FAT3: variants seen among roughly 807,000 people sequenced by gnomAD.
FAT3 encodes the protein protocadherin Fat 3.
In FAT3, 95 loss-of-function variants were observed where a neutral mutation model predicts 310.2. The ratio of observed to expected loss-of-function variants is 0.31; its 90% CI spans 0.26 to 0.36. The LOEUF (loss-of-function observed/expected upper bound fraction) is 0.36, where lower values mean the gene tolerates loss of function less well. FAT3 is among the 10% of genes least tolerant of loss of function. The probability of loss-of-function intolerance (pLI) is 1.00; values close to 1 mark genes in which losing one functional copy is unlikely to be tolerated. For synonymous variants in FAT3, 2,314 were observed against 2,192.9 expected (o/e 1.06, Z -1.54); for missense variants, 5,408 against 5,715.6 (o/e 0.95, Z 1.74).
chr11:92,807,995 C>T (rs1255772249), intron 12 of FAT3, among the ~76,000 whole-genome samples: 3 of 152,184 alleles, frequency 2.0e-5, no homozygotes, highest in Non-Finnish European at 2.9e-5. Flanking sequence ...GGTAGTGGCT[C>T]CTCCCTGCCC....
At chr11:92,480,091 C>T (rs1232590064) in intron 2 of FAT3, among the ~76,000 whole-genome samples, 2 of 151,962 alleles carry the variant, frequency 1.3e-5, no homozygotes, top group African/African-American at 2.4e-5. Context: ...CGGTGAAACC[C>T]CATCTCTACT....
At chr11:92,762,735 A>C (rs1308849304) in intron 5 of FAT3, among the ~76,000 whole-genome samples, 1 of 152,216 alleles carries the variant, frequency 6.6e-6, no homozygotes, top group Non-Finnish European at 1.5e-5. Flanking sequence ...AAGCACGGGC[A>C]CCATGTCATG....
intron 3 of FAT3, among the ~76,000 whole-genome samples, chr11:92,558,442 G>T (rs191295537): frequency 2.2e-5 from 3 of 138,512 alleles, no homozygotes; most frequent in Middle Eastern, 3.9e-3. Flanking sequence ...GTGTGTTTAA[G>T]CTGCTGAGTA....
intron 3 of FAT3, among the ~76,000 whole-genome samples, chr11:92,601,544 G>A (rs1940026606): frequency 6.6e-6 from 1 of 152,120 alleles, no homozygotes; most frequent in Non-Finnish European, 1.5e-5. Flanking sequence ...GCAGTGAGCC[G>A]AGGTCGCACA....
intron 4 of FAT3, among the ~76,000 whole-genome samples, chr11:92,753,122 CTTGGTCAGTAGAATGTGGTACAAG>C (rs1373073349): frequency 6.6e-6 from 1 of 152,138 alleles, no homozygotes; most frequent in Non-Finnish European, 1.5e-5. Context: ...CTCTGAGACT[CTTGGTCAGTAGAATGTGGTACAAG>C]TGATGCTGTG....
chr11:92,246,305 C>T (rs1204151900), intron 1 of FAT3, among the ~76,000 whole-genome samples: 3 of 151,960 alleles, frequency 2.0e-5, no homozygotes, highest in Non-Finnish European at 4.4e-5. Flanking sequence ...GAGGAGAGGG[C>T]TGGTAGAAAC....
chr11:92,662,200 G>A (rs937011736), intron 3 of FAT3, among the ~76,000 whole-genome samples: 4 of 152,138 alleles, frequency 2.6e-5, no homozygotes, highest in Non-Finnish European at 4.4e-5. Flanking sequence ...TGTGAAATAA[G>A]AACAGGGCAT....
intron 2 of FAT3, among the ~76,000 whole-genome samples, chr11:92,440,861 G>A (rs932170851): frequency 3.9e-5 from 6 of 152,262 alleles, no homozygotes; most frequent in Non-Finnish European, 7.3e-5. Context: ...TTGTAGGGTC[G>A]TAGTTCTGGC....
intron 1 of FAT3, among the ~76,000 whole-genome samples, chr11:92,316,496 C>T (rs1398449028): frequency 6.6e-6 from 1 of 152,150 alleles, no homozygotes; most frequent in Non-Finnish European, 1.5e-5. Flanking sequence ...CCCAGCTATC[C>T]ATGCTTAACA....
In FAT3 at chr11:92,420,107, C is replaced by T. The variant is rs182388579; in HGVS notation, c.3292+64703C>T. Among the ~76,000 whole-genome samples the T allele has an allele frequency of 5.1e-4, 77 of 152,228 alleles. 1 individual carries two copies. Among genetic ancestry groups the T allele is most frequent in the African/African-American group, 1.7e-3 (71 of 41,518 alleles). Reference sequence around the variant, plus strand: ...CCTGATTTTGTAAATAAAGTTTTAACGGAACACAGGTTTTGTCATTCAAGG... The same window carrying T: ...CCTGATTTTGTAAATAAAGTTTTAATGGAACACAGGTTTTGTCATTCAAGG... On this transcript the variant is annotated intron_variant, in intron 2 of 27. Coordinates refer to ENST00000525166, the MANE Select transcript of FAT3 (RefSeq NM_001367949.2).
intron 20 of FAT3, among the ~76,000 whole-genome samples, chr11:92,858,030 C>T (rs561509503): frequency 1.3e-5 from 2 of 152,140 alleles, no homozygotes; most frequent in East Asian, 1.9e-4. Context: ...CAATAGAATC[C>T]TCTTTAGGTA....
At chr11:92,466,605 A>C in intron 2 of FAT3, among the ~76,000 whole-genome samples, 1 of 150,878 alleles carries the variant, frequency 6.6e-6, no homozygotes, top group Non-Finnish European at 1.5e-5. Context: ...ATTATACTTT[A>C]AGTTTTAGGG....
At chr11:92,411,224 A>T (rs1272718444) in intron 2 of FAT3, among the ~76,000 whole-genome samples, 4 of 148,688 alleles carry the variant, frequency 2.7e-5, no homozygotes, top group Admixed American at 2.0e-4. Flanking sequence ...AGTTAGACTG[A>T]CCTTACTTTT....
intron 2 of FAT3, among the ~76,000 whole-genome samples, chr11:92,377,061 C>A (rs949089383): frequency 6.6e-6 from 1 of 152,056 alleles, no homozygotes; most frequent in African/African-American, 2.4e-5. Flanking sequence ...TTAAAGGATA[C>A]TGAGGTATAA....
rs1565644396 is a variant in FAT3 at position 92,844,511 on chromosome 11, CA to C, written c.11145del (p.Ala3716ProfsTer3). ...VEMHSSEFYK[P>X]AYLIQKLSNA... Reference sequence around the variant, plus strand: ...ATGCACAGCAGCGAGTTCTACAAGCCAGCCTACCTGATCCAGAAGCTGTCCA... The same window carrying C: ...ATGCACAGCAGCGAGTTCTACAAGCCGCCTACCTGATCCAGAAGCTGTCCA... On this transcript the variant is annotated frameshift_variant, in exon 19 of 28. Coordinates refer to ENST00000525166, the MANE Select transcript of FAT3 (RefSeq NM_001367949.2). LOFTEE classifies it high-confidence loss of function. The C allele has an allele frequency of 6.2e-7, 1 of 1,613,984 alleles. No homozygotes were observed. The highest frequency in any genetic ancestry group is 8.5e-7 in the Non-Finnish European group (1 of 1,179,878).
At chr11:92,737,662 A>G (rs187137116) in intron 4 of FAT3, among the ~76,000 whole-genome samples, 12 of 152,290 alleles carry the variant, frequency 7.9e-5, no homozygotes, top group Admixed American at 5.9e-4. Flanking sequence ...ATTTTTACAT[A>G]GAATTACTAA....
intron 3 of FAT3, among the ~76,000 whole-genome samples, chr11:92,555,686 C>G (rs920732663): frequency 6.6e-6 from 1 of 152,186 alleles, no homozygotes; most frequent in Non-Finnish European, 1.5e-5. Context: ...CTAATCCTGG[C>G]AGCTACTCTT....
chr11:92,551,414 TTGTGTGTGTGTGTGTG>T (rs71473973), intron 3 of FAT3, among the ~76,000 whole-genome samples: 1 of 128,876 alleles, frequency 7.8e-6, no homozygotes, highest in African/African-American at 2.9e-5. Context: ...TTTTTTTGTT[TTGTGTGTGTGTGTGTG>T]TGTGTGTGTG....
intron 3 of FAT3, among the ~76,000 whole-genome samples, chr11:92,658,117 C>T (rs946578055): frequency 5.3e-5 from 8 of 152,046 alleles, no homozygotes; most frequent in Non-Finnish European, 1.2e-4. Context: ...TATACTAAGT[C>T]GTCAAAATCC....
Sources: gnomAD v4.1 joint callset for allele counts (sites outside exome capture counted in the v4.1 genomes callset) on GRCh38, gnomAD v4.1.1 for gene constraint, MANE v1.5 for transcripts, NCBI Gene and HGNC (gene_info 2026-07-23, HGNC 2026-07-21) for gene names.